Variants in ZNF616 observed in about 807,000 individuals in gnomAD.
ZNF616 encodes the protein zinc finger protein 616.
A neutral mutation model predicts 7.6 loss-of-function variants in ZNF616; 5 were observed. The observed-to-expected ratio is 0.66, with a 90% CI of 0.34 to 1.38. The LOEUF (loss-of-function observed/expected upper bound fraction) is 1.38. ZNF616 is among the 40% of genes most tolerant of loss of function. ZNF616 has a pLI of 0.04. For synonymous variants in ZNF616, 319 were observed against 317.2 expected (o/e 1.01, Z -0.06); for missense variants, 913 against 948.3 (o/e 0.96, Z 0.49).
At chr19:52,136,149 G>A (rs909861826) in intron 1 of ZNF616, among the ~76,000 whole-genome samples, 1 of 145,826 alleles carries the variant, frequency 6.9e-6, no homozygotes, top group Non-Finnish European at 1.5e-5. Flanking sequence ...AAAAGCGGGG[G>A]GGGGACAGGG....
chr19:52,132,666 C>T (rs545199170), intron 1 of ZNF616, among the ~76,000 whole-genome samples: 30 of 152,212 alleles, frequency 2.0e-4, no homozygotes, highest in Non-Finnish European at 3.5e-4. Context: ...CCTGTTCCTA[C>T]TTCGCCTGCT....
At position 52,115,067 on chromosome 19, in the gene ZNF616, C is replaced by T; in HGVS notation, c.2097G>A (p.Arg699=). The T allele has an allele frequency of 6.2e-7, 1 of 1,614,000 alleles. No individual in the cohort carries two copies. The highest frequency in any genetic ancestry group is 1.3e-5 in the African/African-American group (1 of 74,970). The change falls in exon 4 of 4, where the codon AGG becomes AGA. Residue 699 remains arginine, a synonymous_variant. Transcript: ENST00000600228. The part of the protein sequence containing the change: ...YKCDECGKVF[R]HSSHLVSHQR... ...GGTGACTTACAAGATGTGAACTATGCCTGAATACCTTGCCACATTCATCAC... is the reference window on the plus strand; with the variant it reads ...GGTGACTTACAAGATGTGAACTATGTCTGAATACCTTGCCACATTCATCAC...
Position 52,133,939 on chromosome 19 carries a change from T to C in ZNF616, c.-76-3351A>G, listed in dbSNP as rs113955152. On this transcript the variant is annotated intron_variant, in intron 1 of 3. Coordinates refer to ENST00000600228, the MANE Select transcript of ZNF616 (RefSeq NM_178523.5). ...CCCTCTACGTATCCATGTTTTCTCA[T>C]CATTTACCTCCCACTTATGAGTGAG... Among the ~76,000 whole-genome samples the C allele has an allele frequency of 1.5e-3, 226 of 152,284 alleles. 1 individual carries two copies. Among genetic ancestry groups the C allele is most frequent in the African/African-American group, 5.1e-3 (211 of 41,548 alleles).
intron 1 of ZNF616, among the ~76,000 whole-genome samples, chr19:52,131,316 G>A (rs562651020): frequency 1.9e-4 from 28 of 149,386 alleles, no homozygotes; most frequent in African/African-American, 5.5e-4. Context: ...AAAACATTAC[G>A]GAGGCTGGGC....
At chr19:52,135,190 C>T (rs768218295) in intron 1 of ZNF616, among the ~76,000 whole-genome samples, 10 of 152,132 alleles carry the variant, frequency 6.6e-5, no homozygotes, top group Non-Finnish European at 1.2e-4. Flanking sequence ...GGTCCACACC[C>T]TTCCCAGATA....
Position 52,116,390 on chromosome 19 carries a change from T to G in ZNF616, c.774A>C (p.Arg258Ser). The G allele has an allele frequency of 8.1e-6, 13 of 1,613,982 alleles. No homozygotes were observed. The highest frequency in any genetic ancestry group is 1.1e-5 in the Non-Finnish European group (13 of 1,179,986). Residue 258 changes from arginine to serine, a missense_variant, in exon 4 of 4, where the codon AGA becomes AGC. Coordinates refer to ENST00000600228, the MANE Select transcript of ZNF616 (RefSeq NM_178523.5). ...TCTGTCCAGTGTGACTCCTTTGGTGTCTTACAAAATATGAATTTTTTCTGA... is the reference window on the plus strand; with the variant it reads ...TCTGTCCAGTGTGACTCCTTTGGTGGCTTACAAAATATGAATTTTTTCTGA... ...KIFRKNSYFV[R>S]HQRSHTGQKP...
intron 3 of ZNF616, among the ~76,000 whole-genome samples, chr19:52,120,007 A>G (rs1013833423): frequency 4.5e-4 from 69 of 152,358 alleles, no homozygotes; most frequent in African/African-American, 1.4e-3. Flanking sequence ...AAAAGACAAC[A>G]TAAAACCTTA....
At chr19:52,117,359 C>T (rs761088371) in intron 3 of ZNF616, among the ~76,000 whole-genome samples, 1 of 152,102 alleles carries the variant, frequency 6.6e-6, no homozygotes, top group Non-Finnish European at 1.5e-5. Flanking sequence ...GAAAATGTGG[C>T]TCTCTCATAA....
intron 1 of ZNF616, among the ~76,000 whole-genome samples, chr19:52,134,554 T>TACCTGTGGGCA (rs777965455): frequency 2.0e-5 from 3 of 152,160 alleles, no homozygotes; most frequent in African/African-American, 4.8e-5. Context: ...CTGAGCCCTT[T>TACCTGTGGGCA]ACCTGTGGGC....
intron 1 of ZNF616, among the ~76,000 whole-genome samples, chr19:52,134,269 C>G (rs2088989036): frequency 6.6e-6 from 1 of 152,208 alleles, no homozygotes; most frequent in South Asian, 2.1e-4. Context: ...GACATCGTAA[C>G]AAGGTTTGAG....
At position 52,116,156 on chromosome 19, in the gene ZNF616, C is replaced by T. The variant is rs1251246413; in HGVS notation, c.1008G>A (p.Arg336=). The T allele has an allele frequency of 1.9e-6, 3 of 1,614,066 alleles. No individual in the cohort carries two copies. The highest frequency in any genetic ancestry group is 1.7e-6 in the Non-Finnish European group (2 of 1,180,008). ...CCTGATGTACAGTGAGGTTTGAGCT[C>T]CGTTTAAAGGTTTTGCCACACTCAT... ...KCNECGKTFK[R]SSNLTVHQVI... Residue 336 remains arginine (R), a synonymous_variant, in exon 4 of 4, where the codon CGG becomes CGA. Coordinates refer to ENST00000600228, the MANE Select transcript of ZNF616 (RefSeq NM_178523.5).
Position 52,116,821 on chromosome 19 carries a change from G to C in ZNF616, c.343C>G (p.His115Asp). 2.5e-6 allele frequency: 4 copies of C among 1,613,696 alleles called. No homozygotes were observed. Among genetic ancestry groups the C allele is most frequent in the Non-Finnish European group, 3.4e-6 (4 of 1,179,804 alleles). The change falls in exon 4 of 4, where the codon CAT becomes GAT. Residue 115 changes from histidine (H) to aspartate (D), a missense_variant. Coordinates refer to ENST00000600228, the MANE Select transcript of ZNF616 (RefSeq NM_178523.5). ...CTTTTACCAGTAAGATTGTTTTCAT[G>C]GGGCACTGGCACTTCTTTATCATTT... ...ETNDKEVPVP[H>D]ENNLTGKRDQ... is the part of the protein sequence containing the mutation.
At position 52,115,188 on chromosome 19, in the gene ZNF616, C is replaced by A; in HGVS notation, c.1976G>T (p.Arg659Ile). 1.2e-6 allele frequency: 2 copies of A among 1,614,152 alleles called. No homozygotes were observed. Among genetic ancestry groups the A allele is most frequent in the Non-Finnish European group, 1.7e-6 (2 of 1,180,020 alleles). ...RLHQTVHTGD[R>I]PYKCNECGKT... ...GCCACACTCATTACATTTGTAAGGTCTGTCTCCAGTATGAACAGTCTGATG... is the reference window on the plus strand; with the variant it reads ...GCCACACTCATTACATTTGTAAGGTATGTCTCCAGTATGAACAGTCTGATG... Residue 659 changes from arginine (R) to isoleucine (I), a missense_variant, in exon 4 of 4, where the codon AGA (arginine) becomes ATA (isoleucine). Arg to Ile is a moderately conservative substitution (Grantham distance 97). Coordinates refer to ENST00000600228, the MANE Select transcript of ZNF616 (RefSeq NM_178523.5).
At chr19:52,136,855 G>A (rs549075398) in intron 1 of ZNF616, among the ~76,000 whole-genome samples, 7 of 151,976 alleles carry the variant, frequency 4.6e-5, no homozygotes, top group Admixed American at 2.0e-4. Flanking sequence ...TTGAGACCAG[G>A]AGTTAGAGAC....
Position 52,114,989 on chromosome 19 carries a change from G to A in ZNF616, c.2175C>T (p.Ala725=), listed in dbSNP as rs919030593. The change falls in exon 4 of 4, where the codon GCC becomes GCT. Residue 725 remains alanine (A), a synonymous_variant. Transcript: ENST00000600228. ...KRYKCIECGK[A]FGRLFSLSKH... ...TGCTGAGGGAAAACAACCGCCCAAA[G>A]GCTTTGCCACATTCAATACATTTGT... The A allele has an allele frequency of 7.4e-6, 12 of 1,614,076 alleles. No homozygotes were observed. Among genetic ancestry groups the A allele is most frequent in the African/African-American group, 1.3e-5 (1 of 74,930 alleles).
At chr19:52,117,706 T>A (rs1338498912) in intron 3 of ZNF616, among the ~76,000 whole-genome samples, 1 of 152,254 alleles carries the variant, frequency 6.6e-6, no homozygotes, top group East Asian at 1.9e-4. Flanking sequence ...ATATGATAAC[T>A]AGAAAATATG....
At chr19:52,138,093 C>A (rs929734310) in intron 1 of ZNF616, among the ~76,000 whole-genome samples, 1 of 152,038 alleles carries the variant, frequency 6.6e-6, no homozygotes, top group Non-Finnish European at 1.5e-5. Context: ...TGCAGTGAGC[C>A]GATATAATTT....
chr19:52,124,483 G>A (rs2088890021), intron 2 of ZNF616, among the ~76,000 whole-genome samples: 1 of 152,158 alleles, frequency 6.6e-6, no homozygotes, highest in Non-Finnish European at 1.5e-5. Context: ...CCCACGTGCT[G>A]GGCATTATTC....
rs1456264136 is a variant in ZNF616 at position 52,125,849 on chromosome 19, G to T, written c.13-1800C>A. 3.3e-5 allele frequency among the ~76,000 whole-genome samples: 5 copies of T among 152,172 alleles called. No homozygotes were observed. In the East Asian group the frequency reaches 9.6e-4, roughly 29 times the overall value. ...AGATAACTGACGTAAACCGGTGTCT[G>T]CAATAACACAGAAAGACATGAGGGT... On this transcript the variant is annotated intron_variant, in intron 2 of 3. Transcript: ENST00000600228.
Sources: allele counts gnomAD v4.1 joint callset (sites outside exome capture counted in the v4.1 genomes callset), GRCh38; gene constraint gnomAD v4.1.1; transcripts MANE v1.5; gene names NCBI Gene and HGNC (gene_info 2026-07-23, HGNC 2026-07-21).